Variants in NCKAP5 observed in about 807,000 individuals in gnomAD.
The protein encoded by NCKAP5 is NCK associated protein 5.
In NCKAP5, 92 loss-of-function variants were observed where a neutral mutation model predicts 167.0. That is an observed-to-expected ratio of 0.55 (90% CI 0.47 to 0.66). The LOEUF is 0.66. Ranked by LOEUF, NCKAP5 falls within the 30% of genes least tolerant of loss-of-function variation. The probability of loss-of-function intolerance (pLI) is 0.00; values close to 1 mark genes in which losing one functional copy is unlikely to be tolerated. For synonymous variants in NCKAP5, 891 were observed against 877.4 expected (o/e 1.02, Z -0.27); for missense variants, 2,378 against 2,315.0 (o/e 1.03, Z -0.56).
At chr2:133,027,729 C>A (rs962186042) in intron 6 of NCKAP5, among the ~76,000 whole-genome samples, 1 of 152,196 alleles carries the variant, frequency 6.6e-6, no homozygotes, top group African/African-American at 2.4e-5. Context: ...TCTTTTCCAA[C>A]AATGCATATT....
chr2:133,655,887 A>G, the NCKAP5 span, among the ~76,000 whole-genome samples: 1 of 152,164 alleles, frequency 6.6e-6, no homozygotes, highest in African/African-American at 2.4e-5. Flanking sequence ...CTGCCTGTGC[A>G]CTCAAGGCCA....
chr2:132,755,854 AAAT>A (rs56967710), intron 16 of NCKAP5, among the ~76,000 whole-genome samples: 6,412 of 143,768 alleles, frequency 0.045, 371 homozygotes, highest in African/African-American at 0.14. Context: ...CTAAATGGCA[AAAT>A]AATAATAATA....
chr2:132,920,775 A>G (rs201225908), intron 8 of NCKAP5, among the ~76,000 whole-genome samples: 549 of 5,936 alleles, frequency 0.092, 13 homozygotes, highest in Middle Eastern at 0.25. Context: ...ATGTATGTAT[A>G]TATATATATA....
intron 3 of NCKAP5, among the ~76,000 whole-genome samples, chr2:133,348,375 G>C (rs1179862600): frequency 6.6e-6 from 1 of 152,190 alleles, no homozygotes; most frequent in Non-Finnish European, 1.5e-5. Flanking sequence ...TTGGGGAGTA[G>C]AGTTTAGAAA....
At chr2:133,073,571 T>G (rs1343240830) in intron 6 of NCKAP5, among the ~76,000 whole-genome samples, 1 of 152,028 alleles carries the variant, frequency 6.6e-6, no homozygotes, top group East Asian at 1.9e-4. Context: ...GAAGGGAAGG[T>G]GAAACTCATG....
At chr2:133,133,384 C>T (rs2082678039) in intron 5 of NCKAP5, among the ~76,000 whole-genome samples, 1 of 152,302 alleles carries the variant, frequency 6.6e-6, no homozygotes, top group South Asian at 2.1e-4. Context: ...CAATTCTTCC[C>T]ATGTTCTTCG....
chr2:133,249,823 G>T (rs968572380), intron 4 of NCKAP5, among the ~76,000 whole-genome samples: 2 of 152,064 alleles, frequency 1.3e-5, no homozygotes, highest in South Asian at 2.1e-4. Flanking sequence ...TTTGGGAAGG[G>T]CCCTAACCTA....
intron 4 of NCKAP5, among the ~76,000 whole-genome samples, chr2:133,259,348 G>T (rs186686489): frequency 2.8e-4 from 43 of 152,220 alleles, no homozygotes; most frequent in African/African-American, 9.9e-4. Context: ...GAAGGCATTT[G>T]TATTTTATAA....
chr2:133,064,885 T>C (rs1206575872), intron 6 of NCKAP5, among the ~76,000 whole-genome samples: 20 of 152,228 alleles, frequency 1.3e-4, no homozygotes, highest in Admixed American at 1.3e-3. Flanking sequence ...AAAAGTTTAT[T>C]AAAGTGAATG....
intron 11 of NCKAP5, among the ~76,000 whole-genome samples, chr2:132,804,539 A>G (rs1685283201): frequency 6.6e-6 from 1 of 152,148 alleles, no homozygotes; most frequent in Admixed American, 6.5e-5. Flanking sequence ...TGATTTCACC[A>G]AACTAAAAGG....
intron 16 of NCKAP5, among the ~76,000 whole-genome samples, chr2:132,766,711 A>G (rs1681525163): frequency 6.6e-6 from 1 of 152,142 alleles, no homozygotes; most frequent in African/African-American, 2.4e-5. Flanking sequence ...AGCCTTTGAG[A>G]TCTTCCCCTC....
intron 17 of NCKAP5, among the ~76,000 whole-genome samples, chr2:132,730,430 G>A (rs1690883159): frequency 6.6e-6 from 1 of 152,208 alleles, no homozygotes. Context: ...AGGAAGTGGA[G>A]GTTGCAGAGA....
intron 8 of NCKAP5, among the ~76,000 whole-genome samples, chr2:132,885,708 T>C (rs1441724500): frequency 6.6e-6 from 1 of 152,242 alleles, no homozygotes; most frequent in East Asian, 1.9e-4. Context: ...GCTCAGTGAA[T>C]AGATAGGCTG....
At chr2:133,088,263 G>A (rs1461986078) in intron 6 of NCKAP5, among the ~76,000 whole-genome samples, 1 of 152,048 alleles carries the variant, frequency 6.6e-6, no homozygotes, top group Non-Finnish European at 1.5e-5. Flanking sequence ...ACTAAACAAA[G>A]GCATACCTCA....
chr2:133,507,776 A>T (rs1575077643), intron 3 of NCKAP5, among the ~76,000 whole-genome samples: 1 of 152,204 alleles, frequency 6.6e-6, no homozygotes, highest in Non-Finnish European at 1.5e-5. Flanking sequence ...TGGCAGAAAG[A>T]TCATAAATAC....
At chr2:133,450,041 C>T (rs1014407529) in intron 3 of NCKAP5, among the ~76,000 whole-genome samples, 1 of 152,094 alleles carries the variant, frequency 6.6e-6, no homozygotes, top group Non-Finnish European at 1.5e-5. Flanking sequence ...AAAGATGTAC[C>T]TACCAGAAAC....
chr2:133,367,865 C>A (rs894071613), intron 3 of NCKAP5, among the ~76,000 whole-genome samples: 2 of 151,940 alleles, frequency 1.3e-5, no homozygotes, highest in African/African-American at 4.8e-5. Flanking sequence ...AACAAACAAA[C>A]AAAAAAATTG....
chr2:132,920,788 T>C (rs1421696788), intron 8 of NCKAP5, among the ~76,000 whole-genome samples: 3 of 81,232 alleles, frequency 3.7e-5, no homozygotes, highest in East Asian at 5.7e-4. Context: ...TATATATATA[T>C]ATATATATAT....
At chr2:132,980,418 T>C (rs2077101046) in intron 7 of NCKAP5, among the ~76,000 whole-genome samples, 1 of 152,168 alleles carries the variant, frequency 6.6e-6, no homozygotes, top group Admixed American at 6.5e-5. Flanking sequence ...AGTGTTTTTT[T>C]GTTTTGTTTT....
Sources: gnomAD v4.1 joint callset for allele counts (sites outside exome capture counted in the v4.1 genomes callset) on GRCh38, gnomAD v4.1.1 for gene constraint, MANE v1.5 for transcripts, NCBI Gene and HGNC (gene_info 2026-07-23, HGNC 2026-07-21) for gene names.